SDK1: variants seen among roughly 807,000 people sequenced by gnomAD.
The protein encoded by SDK1 is sidekick cell adhesion molecule 1, also known as protein sidekick-1.
Under a neutral mutation model 245.5 loss-of-function variants are expected in SDK1, and 157 were observed. The ratio of observed to expected loss-of-function variants is 0.64; its 90% CI spans 0.56 to 0.73. The LOEUF (loss-of-function observed/expected upper bound fraction) is 0.73, where lower values mean the gene tolerates loss of function less well. SDK1 is among the 30% of genes least tolerant of loss of function. The pLI, the probability that SDK1 is intolerant of heterozygous loss-of-function variation, is 0.00. For synonymous variants in SDK1, 1,647 were observed against 1,278.5 expected, an observed-to-expected ratio of 1.29 and a Z score of -6.15; for missense variants, 3,583 against 3,002.3, an observed-to-expected ratio of 1.19 and a Z score of -4.52.
chr7:3,612,949 A>G (rs186071267), intron 1 of SDK1, among the ~76,000 whole-genome samples: 17 of 149,102 alleles, frequency 1.1e-4, no homozygotes, highest in South Asian at 6.8e-4. Flanking sequence ...TTCTTCTGCT[A>G]AGTGGAGGTT....
At chr7:4,019,842 C>A (rs1296937021) in intron 17 of SDK1, among the ~76,000 whole-genome samples, 1 of 152,124 alleles carries the variant, frequency 6.6e-6, no homozygotes, top group Non-Finnish European at 1.5e-5. Context: ...TGGGAGCACC[C>A]TTATACAGAT....
intron 1 of SDK1, among the ~76,000 whole-genome samples, chr7:3,565,366 G>A (rs1363212383): frequency 6.6e-6 from 1 of 152,142 alleles, no homozygotes; most frequent in East Asian, 1.9e-4. Flanking sequence ...TTTGAGAGAT[G>A]CACTATAAAG....
Position 3,803,296 on chromosome 7 carries a change from T to C in SDK1, c.714-18154T>C, listed in dbSNP as rs565776838. ...CTCTGCCCATTTTCTTTTCTTTTCT[T>C]TTCTTTCTTTCTTTCTTTCTTTTTT... On this transcript the variant is annotated intron_variant, in intron 4 of 44. Transcript: ENST00000404826. Among the ~76,000 whole-genome samples, 170 of 100,664 alleles carry C rather than the reference T, an allele frequency of 1.7e-3. 1 individual carries two copies. The highest frequency in any genetic ancestry group is 0.01 in the South Asian group (30 of 2,962). The allele number at this position is 100,664 out of a possible 152,430, so 66.0% of individuals were successfully genotyped here.
intron 5 of SDK1, among the ~76,000 whole-genome samples, chr7:3,842,742 C>G (rs1780190062): frequency 6.6e-6 from 1 of 152,132 alleles, no homozygotes; most frequent in South Asian, 2.1e-4. Flanking sequence ...GAGGGTTGTG[C>G]TCCTTTTCTC....
chr7:4,187,902 G>A (rs1189355202), intron 35 of SDK1, among the ~76,000 whole-genome samples: 1 of 152,182 alleles, frequency 6.6e-6, no homozygotes, highest in African/African-American at 2.4e-5. Flanking sequence ...CCAAGACTGG[G>A]TAATTTATAA....
At chr7:3,498,451 T>A (rs1181268913) in intron 1 of SDK1, among the ~76,000 whole-genome samples, 4 of 152,226 alleles carry the variant, frequency 2.6e-5, no homozygotes, top group African/African-American at 9.6e-5. Context: ...AGTAGCTTTC[T>A]CATTGCATTT....
chr7:4,049,510 A>C, intron 18 of SDK1, 47 bp downstream of exon 18: 1 of 1,454,566 alleles, frequency 6.9e-7, no homozygotes, highest in Non-Finnish European at 9.7e-7. Flanking sequence ...CATTGTCTGG[A>C]GCCACAGCGC....
chr7:4,166,266 C>T (rs1342317294), intron 32 of SDK1, among the ~76,000 whole-genome samples: 4 of 152,250 alleles, frequency 2.6e-5, no homozygotes, highest in Non-Finnish European at 5.9e-5. Context: ...TTCTTTTTCT[C>T]TTCACTTGTG....
chr7:3,646,189 G>A (rs978016133), intron 4 of SDK1, among the ~76,000 whole-genome samples: 4 of 152,106 alleles, frequency 2.6e-5, no homozygotes, highest in Non-Finnish European at 4.4e-5. Flanking sequence ...CCTTGTGTGA[G>A]TTTGGTTCCC....
intron 1 of SDK1, among the ~76,000 whole-genome samples, chr7:3,391,240 C>A (rs11975569): frequency 0.05 from 7,682 of 152,166 alleles, 524 homozygotes; most frequent in African/African-American, 0.15. Context: ...AGCTCACCAG[C>A]GAAATAATAG....
intron 22 of SDK1, among the ~76,000 whole-genome samples, chr7:4,107,111 C>CAGGGTGGGG (rs545680435): frequency 0.014 from 427 of 31,226 alleles, 2 homozygotes; most frequent in East Asian, 0.028. Context: ...TACACACATC[C>CAGGGTGGGG]AGGGTGGGGA....
At chr7:3,850,173 C>G (rs949574638) in intron 5 of SDK1, among the ~76,000 whole-genome samples, 6 of 152,184 alleles carry the variant, frequency 3.9e-5, no homozygotes, top group African/African-American at 1.4e-4. Flanking sequence ...CACCCCCCTT[C>G]GAGTCTGGCC....
chr7:3,537,730 G>A (rs999522612), intron 1 of SDK1, among the ~76,000 whole-genome samples: 2 of 152,224 alleles, frequency 1.3e-5, no homozygotes, highest in Admixed American at 1.3e-4. Context: ...CTTGACTCTT[G>A]ATGTGTCGGC....
intron 4 of SDK1, among the ~76,000 whole-genome samples, chr7:3,693,193 G>C (rs1784481212): frequency 6.6e-6 from 1 of 152,006 alleles, no homozygotes; most frequent in South Asian, 2.1e-4. Flanking sequence ...GCTACTTTGA[G>C]ACTGTGTGGT....
chr7:4,045,836 T>C (rs1054503111), intron 17 of SDK1, among the ~76,000 whole-genome samples: 1 of 152,204 alleles, frequency 6.6e-6, no homozygotes, highest in Non-Finnish European at 1.5e-5. Context: ...TCTTCACTCA[T>C]GGATTTCCTG....
At chr7:4,047,473 T>A (rs1360265761) in intron 17 of SDK1, among the ~76,000 whole-genome samples, 2 of 152,230 alleles carry the variant, frequency 1.3e-5, no homozygotes, top group African/African-American at 2.4e-5. Context: ...AGGCTTTTTC[T>A]GATTTTGGTA....
intron 1 of SDK1, among the ~76,000 whole-genome samples, chr7:3,597,697 GA>G (rs1200901871): frequency 6.6e-6 from 1 of 152,216 alleles, no homozygotes; most frequent in East Asian, 1.9e-4. Flanking sequence ...GCCTAGGGGA[GA>G]GGGGCTCAGT....
At chr7:3,673,913 C>A (rs1783803642) in intron 4 of SDK1, among the ~76,000 whole-genome samples, 1 of 151,996 alleles carries the variant, frequency 6.6e-6, no homozygotes. Context: ...TAAATATAAA[C>A]CCAAAGCAAA....
At chr7:3,685,278 C>T (rs1010838043) in intron 4 of SDK1, among the ~76,000 whole-genome samples, 4 of 150,156 alleles carry the variant, frequency 2.7e-5, no homozygotes, top group Admixed American at 1.3e-4. Flanking sequence ...AGCAGTCATT[C>T]GAAACTATGG....
Sources: gnomAD v4.1 joint callset for allele counts (sites outside exome capture counted in the v4.1 genomes callset) on GRCh38, gnomAD v4.1.1 for gene constraint, MANE v1.5 for transcripts, NCBI Gene and HGNC (gene_info 2026-07-23, HGNC 2026-07-21) for gene names.